CELF4: variants seen among roughly 807,000 people sequenced by gnomAD.
CELF4 encodes the protein CUGBP Elav-like family member 4, also known as CUG-BP- and ETR-3-like factor 4.
CELF4 carries 18 observed loss-of-function variants against 59.9 expected under a neutral mutation model. The ratio of observed to expected loss-of-function variants is 0.30; its 90% CI spans 0.21 to 0.45. The LOEUF (loss-of-function observed/expected upper bound fraction) is 0.45. Among genes scored for constraint, CELF4 ranks in the 20% least tolerant of loss-of-function variants. The pLI is 1.00. For missense variants in CELF4, 456 were observed against 689.0 expected (o/e 0.66, Z 3.79); for synonymous variants, 261 against 267.1 (o/e 0.98, Z 0.22).
intron 1 of CELF4, among the ~76,000 whole-genome samples, chr18:37,501,908 C>T (rs528426105): frequency 6.6e-6 from 1 of 152,298 alleles, no homozygotes; most frequent in East Asian, 1.9e-4. Context: ...TCCATTTTCC[C>T]CCTTCTCTCA....
intron 2 of CELF4, among the ~76,000 whole-genome samples, chr18:37,335,779 C>T (rs572020750): frequency 6.6e-6 from 1 of 152,226 alleles, no homozygotes; most frequent in South Asian, 2.1e-4. Flanking sequence ...CTCTCTTCAA[C>T]CTTCACTCCC....
intron 3 of CELF4, chr18:37,305,801 C>T (rs2096362201): frequency 1.3e-5 from 2 of 152,314 alleles, no homozygotes; most frequent in South Asian, 2.1e-4. Flanking sequence ...CTCCAGGGGG[C>T]TACTAAGGTA....
chr18:37,479,650 G>T (rs1033437865), intron 2 of CELF4, among the ~76,000 whole-genome samples: 4 of 152,110 alleles, frequency 2.6e-5, no homozygotes, highest in Non-Finnish European at 5.9e-5. Context: ...AGGAAAGGCT[G>T]GGCGACCCCC....
At chr18:37,264,556 C>T (rs1569232563) in intron 10 of CELF4, 118 bp downstream of exon 10, 1 of 819,964 alleles carries the variant, frequency 1.2e-6, no homozygotes, top group Non-Finnish European at 2.0e-6. Context: ...CCCACCTCAA[C>T]ACAGCACACA....
chr18:37,269,490 A>G (rs1448583474), intron 8 of CELF4, among the ~76,000 whole-genome samples: 1 of 152,204 alleles, frequency 6.6e-6, no homozygotes, highest in Non-Finnish European at 1.5e-5. Flanking sequence ...ATAAAGCCCC[A>G]CAGTGGATTC....
chr18:37,481,873 A>G (rs992588058), intron 2 of CELF4, among the ~76,000 whole-genome samples: 7 of 152,184 alleles, frequency 4.6e-5, no homozygotes, highest in African/African-American at 1.7e-4. Flanking sequence ...TGGCTCGGCC[A>G]CTTATCAATT....
At position 37,275,056 on chromosome 18, in the gene CELF4, G is replaced by C. The variant is rs1269426735; in HGVS notation, c.577+59C>G. On this transcript the variant is annotated intron_variant, in intron 4 of 12. Transcript: ENST00000420428. ...CCCCGGAGACTCAGAGGAGCCCTCT[G>C]GTCTCCCTCCGCCTCGCCCCTCCCT... 5.7e-6 allele frequency: 9 copies of C among 1,586,860 alleles called. No homozygotes were observed. In the East Asian group the frequency reaches 2.0e-4, roughly 36 times the overall value.
intron 2 of CELF4, among the ~76,000 whole-genome samples, chr18:37,404,905 A>G (rs1204885145): frequency 6.6e-6 from 1 of 152,218 alleles, no homozygotes; most frequent in East Asian, 1.9e-4. Context: ...TCCTTGCCTC[A>G]GCATTCTTAT....
Position 37,418,706 on chromosome 18 carries a change from C to T in CELF4, c.369+66819G>A, listed in dbSNP as rs376826513. Among the ~76,000 whole-genome samples the T allele has an allele frequency of 1.1e-4, 17 of 152,296 alleles. No individual in the cohort carries two copies. The East Asian group carries it at 1.9e-3, about 17-fold the overall frequency. On this transcript the variant is annotated intron_variant, in intron 2 of 12. Transcript: ENST00000420428. The stretch of plus-strand genomic sequence containing the variant: ...TGCCTGTCTCGTAGAATTGCTGAGG[C>T]TAATCAAAAAATACTGTAAAGCACA...
At chr18:37,263,660 C>T (rs938346040) in intron 10 of CELF4, among the ~76,000 whole-genome samples, 1 of 152,082 alleles carries the variant, frequency 6.6e-6, no homozygotes, top group Non-Finnish European at 1.5e-5. Context: ...GATGGGAAGA[C>T]ACTGACTGGC....
At chr18:37,404,160 C>A (rs1819911790) in intron 2 of CELF4, among the ~76,000 whole-genome samples, 1 of 152,222 alleles carries the variant, frequency 6.6e-6, no homozygotes, top group Non-Finnish European at 1.5e-5. Flanking sequence ...AGTTCATTAA[C>A]CCTACATTAT....
chr18:37,292,136 A>C (rs954391824), intron 3 of CELF4, among the ~76,000 whole-genome samples: 2 of 151,716 alleles, frequency 1.3e-5, no homozygotes, highest in Non-Finnish European at 2.9e-5. Flanking sequence ...CTGGCATCTT[A>C]ATCTTGGACA....
chr18:37,299,571 GAGGCTGGCAC>G (rs557132087), intron 3 of CELF4, among the ~76,000 whole-genome samples: 6 of 152,198 alleles, frequency 3.9e-5, no homozygotes, highest in Non-Finnish European at 7.3e-5. Context: ...AGAACCAGGA[GAGGCTGGCAC>G]TGCGGGCTCG....
intron 2 of CELF4, among the ~76,000 whole-genome samples, chr18:37,334,428 G>A (rs1057509018): frequency 6.6e-6 from 1 of 152,168 alleles, no homozygotes; most frequent in African/African-American, 2.4e-5. Flanking sequence ...CCTGGGCCTG[G>A]CGAGGGGATC....
At chr18:37,512,772 C>A (rs1324520118) in intron 1 of CELF4, among the ~76,000 whole-genome samples, 1 of 151,458 alleles carries the variant, frequency 6.6e-6, no homozygotes, top group Non-Finnish European at 1.5e-5. Flanking sequence ...TTCTTCTTCC[C>A]TTTAGTCCTT....
chr18:37,365,419 G>C (rs572652088), intron 2 of CELF4, among the ~76,000 whole-genome samples: 1 of 111,488 alleles, frequency 9.0e-6, no homozygotes, highest in Admixed American at 9.8e-5. Flanking sequence ...AAGGGCTGGG[G>C]TGGGACCTGG....
At chr18:37,533,413 C>T (rs1439720404) in intron 1 of CELF4, among the ~76,000 whole-genome samples, 1 of 152,178 alleles carries the variant, frequency 6.6e-6, no homozygotes, top group Non-Finnish European at 1.5e-5. Context: ...ACCTCCCCAG[C>T]AATTGGCCCA....
chr18:37,362,200 C>T (rs2098714297), intron 2 of CELF4, among the ~76,000 whole-genome samples: 1 of 152,190 alleles, frequency 6.6e-6, no homozygotes, highest in Non-Finnish European at 1.5e-5. Flanking sequence ...GGTGCAGGCT[C>T]CTCAGCCCAG....
intron 12 of CELF4, among the ~76,000 whole-genome samples, chr18:37,251,343 A>G (rs933178986): frequency 2.0e-5 from 3 of 152,050 alleles, no homozygotes; most frequent in Non-Finnish European, 4.4e-5. Context: ...CCCCCACCCC[A>G]ACTCTGAATG....
Sources: gnomAD v4.1 joint callset for allele counts (sites outside exome capture counted in the v4.1 genomes callset) on GRCh38, gnomAD v4.1.1 for gene constraint, MANE v1.5 for transcripts, NCBI Gene and HGNC (gene_info 2026-07-23, HGNC 2026-07-21) for gene names.